ZNRF1: variants seen among roughly 807,000 people sequenced by gnomAD.
The protein encoded by ZNRF1 is zinc and ring finger 1, also known as E3 ubiquitin-protein ligase ZNRF1.
ZNRF1 carries 3 observed loss-of-function variants against 18.4 expected under a neutral mutation model. The observed-to-expected ratio is 0.16, with a 90% CI of 0.07 to 0.42. The LOEUF is 0.42. Among genes scored for constraint, ZNRF1 ranks in the 10% least tolerant of loss-of-function variants. The probability of loss-of-function intolerance (pLI) is 0.99; values close to 1 mark genes in which losing one functional copy is unlikely to be tolerated. For synonymous variants in ZNRF1, 157 were observed against 144.2 expected (o/e 1.09, Z -0.64); for missense variants, 310 against 329.8 (o/e 0.94, Z 0.47).
chr16:75,033,658 A>C (rs1427629017), intron 1 of ZNRF1, among the ~76,000 whole-genome samples: 2 of 151,896 alleles, frequency 1.3e-5, no homozygotes, highest in Admixed American at 1.3e-4. Context: ...GCTCATCTTG[A>C]ACTCCTGACC....
intron 1 of ZNRF1, among the ~76,000 whole-genome samples, chr16:75,042,916 G>T (rs1240448503): frequency 1.3e-5 from 2 of 152,182 alleles, no homozygotes; most frequent in Non-Finnish European, 2.9e-5. Context: ...CGTTCTTCCA[G>T]GTTTGGCATG....
chr16:75,050,899 C>CA (rs796834732), intron 1 of ZNRF1, among the ~76,000 whole-genome samples: 1,135 of 41,068 alleles, frequency 0.028, 29 homozygotes, highest in African/African-American at 0.078. Flanking sequence ...CAAAAAAAAA[C>CA]AAAAAACTTG....
chr16:75,067,177 G>A (rs1333219285), intron 1 of ZNRF1, among the ~76,000 whole-genome samples: 1 of 152,140 alleles, frequency 6.6e-6, no homozygotes, highest in African/African-American at 2.4e-5. Flanking sequence ...GTGCCTTCTG[G>A]GTTACTGCAC....
chr16:75,080,269 A>G lies in ZNRF1; in HGVS notation c.425-13303A>G, dbSNP rs567999748. ...AGCAGCACACATTCTGCATCCCAGGATTATGCTGGGAGCCGTGGAAGGAGC... is the reference window on the plus strand; with the variant it reads ...AGCAGCACACATTCTGCATCCCAGGGTTATGCTGGGAGCCGTGGAAGGAGC... On this transcript the variant is annotated intron_variant, in intron 1 of 4. Transcript: ENST00000335325. Among the ~76,000 whole-genome samples, 38 of 152,324 alleles carry G rather than the reference A, an allele frequency of 2.5e-4. No homozygotes were observed. The South Asian group carries it at 3.5e-3, about 14-fold the overall frequency.
At chr16:75,033,444 T>G (rs1039495698) in intron 1 of ZNRF1, among the ~76,000 whole-genome samples, 244 of 148,442 alleles carry the variant, frequency 1.6e-3, no homozygotes, top group Admixed American at 3.6e-3. Context: ...ATAGTTTTTT[T>G]TTTTTTTTTT....
At chr16:75,010,556 G>C (rs771854670) in intron 1 of ZNRF1, among the ~76,000 whole-genome samples, 2 of 151,952 alleles carry the variant, frequency 1.3e-5, no homozygotes, top group Non-Finnish European at 2.9e-5. Flanking sequence ...AGGTATGTAT[G>C]GTCTCTCATC....
Position 75,066,260 on chromosome 16 carries a change from G to A in ZNRF1, c.425-27312G>A, listed in dbSNP as rs570042562. Among the ~76,000 whole-genome samples the A allele has an allele frequency of 2.6e-5, 4 of 152,318 alleles. No individual in the cohort carries two copies. In the South Asian group the frequency reaches 8.3e-4, roughly 32 times the overall value. ...AAAGTATCAGATAACTGGCCTAATA[G>A]TGTATTGAGGACATATATCACAAAT... On this transcript the variant is annotated intron_variant, in intron 1 of 4. Transcript: ENST00000335325.
intron 1 of ZNRF1, among the ~76,000 whole-genome samples, chr16:75,011,482 C>G (rs996152386): frequency 2.6e-5 from 4 of 152,138 alleles, no homozygotes; most frequent in African/African-American, 7.2e-5. Flanking sequence ...ATCCTCCTAC[C>G]CTAGCCTCCT....
intron 1 of ZNRF1, among the ~76,000 whole-genome samples, chr16:75,042,443 C>CTTTTTTT (rs56212046): frequency 5.1e-5 from 6 of 116,960 alleles, no homozygotes; most frequent in East Asian, 4.9e-4. Flanking sequence ...CTGTTTCTTT[C>CTTTTTTT]TTTTTTTTTT....
Position 75,082,849 on chromosome 16 carries a change from C to T in ZNRF1, c.425-10723C>T, listed in dbSNP as rs112065663. Reference sequence around the variant, plus strand: ...GATTCGAGGCATGAGCCACTGCACCCGGCCAGGAATAAATTGATTGGGTCT... The same window carrying T: ...GATTCGAGGCATGAGCCACTGCACCTGGCCAGGAATAAATTGATTGGGTCT... On this transcript the variant is annotated intron_variant, in intron 1 of 4. Transcript: ENST00000335325. 8.0e-3 allele frequency among the ~76,000 whole-genome samples: 1,211 copies of T among 152,278 alleles called. 13 individuals are homozygous for T. The highest frequency in any genetic ancestry group is 0.028 in the African/African-American group (1,163 of 41,544).
intron 1 of ZNRF1, among the ~76,000 whole-genome samples, chr16:75,087,855 C>G (rs1363644979): frequency 6.6e-6 from 1 of 152,236 alleles, no homozygotes; most frequent in Admixed American, 6.5e-5. Flanking sequence ...TTTCGGCAGA[C>G]ACAGCCCATG....
intron 1 of ZNRF1, among the ~76,000 whole-genome samples, chr16:75,002,121 C>G (rs1567461687): frequency 6.6e-6 from 1 of 152,188 alleles, no homozygotes; most frequent in Non-Finnish European, 1.5e-5. Context: ...AAAATGTCCC[C>G]AAGAATTCCC....
At chr16:75,097,756 G>A (rs1433483804) in intron 2 of ZNRF1, among the ~76,000 whole-genome samples, 5 of 152,196 alleles carry the variant, frequency 3.3e-5, no homozygotes, top group Admixed American at 3.3e-4. Flanking sequence ...GATTGAGGCA[G>A]CAGTGAGCTT....
chr16:75,063,038 A>G (rs1218735994), intron 1 of ZNRF1, among the ~76,000 whole-genome samples: 2 of 152,208 alleles, frequency 1.3e-5, no homozygotes, highest in Non-Finnish European at 2.9e-5. Flanking sequence ...AATAATCTCT[A>G]ACTTTTCAGA....
chr16:75,048,832 A>G (rs898283574), intron 1 of ZNRF1, among the ~76,000 whole-genome samples: 9 of 152,198 alleles, frequency 5.9e-5, no homozygotes, highest in African/African-American at 2.2e-4. Flanking sequence ...CTCGTTTCCC[A>G]GTAACCTTTG....
At chr16:75,052,732 C>A (rs1396020948) in intron 1 of ZNRF1, among the ~76,000 whole-genome samples, 5 of 152,214 alleles carry the variant, frequency 3.3e-5, no homozygotes, top group Non-Finnish European at 2.9e-5. Flanking sequence ...ACCACCACCT[C>A]AACCGTGCAG....
intron 1 of ZNRF1, among the ~76,000 whole-genome samples, chr16:75,075,789 A>G (rs1055897861): frequency 6.6e-6 from 1 of 152,178 alleles, no homozygotes; most frequent in Non-Finnish European, 1.5e-5. Flanking sequence ...GTGCTCAGGA[A>G]TCGATGTTAG....
At position 75,089,508 on chromosome 16, in the gene ZNRF1, C is replaced by T. The variant is rs1323259667; in HGVS notation, c.425-4064C>T. Among the ~76,000 whole-genome samples the T allele has an allele frequency of 2.6e-5, 4 of 152,188 alleles. No homozygotes were observed. In the East Asian group the frequency reaches 7.7e-4, roughly 29 times the overall value. ...GCTTTAGTTAAAGTGTAGGCCTCTTCCTACACCAGTGGTGCTTCCTCTCCA... is the reference window on the plus strand; with the variant it reads ...GCTTTAGTTAAAGTGTAGGCCTCTTTCTACACCAGTGGTGCTTCCTCTCCA... On this transcript the variant is annotated intron_variant, in intron 1 of 4. Transcript: ENST00000335325.
intron 1 of ZNRF1, among the ~76,000 whole-genome samples, chr16:75,084,033 C>A (rs551714141): frequency 1.3e-5 from 2 of 152,300 alleles, no homozygotes; most frequent in African/African-American, 4.8e-5. Context: ...CTCTGCTCAC[C>A]ATTGTTACTC....
Sources: allele counts gnomAD v4.1 joint callset (sites outside exome capture counted in the v4.1 genomes callset), GRCh38; gene constraint gnomAD v4.1.1; transcripts MANE v1.5; gene names NCBI Gene and HGNC (gene_info 2026-07-23, HGNC 2026-07-21).